Variants in COMMD1 observed in about 807,000 individuals in gnomAD.
COMMD1 encodes the protein copper metabolism domain containing 1.
COMMD1 carries 10 observed loss-of-function variants against 17.2 expected under a neutral mutation model. The ratio of observed to expected loss-of-function variants is 0.58; its 90% CI spans 0.36 to 0.99. COMMD1 has a LOEUF of 0.99. Among genes scored for constraint, COMMD1 ranks in the 50% least tolerant of loss-of-function variants. The pLI is 0.01. For missense variants in COMMD1, 270 were observed against 231.8 expected, an observed-to-expected ratio of 1.17 and a Z score of -1.07; for synonymous variants, 97 against 91.6, an observed-to-expected ratio of 1.06 and a Z score of -0.34.
Position 61,905,708 on chromosome 2 carries a change from A to C in COMMD1, c.30A>C (p.Lys10Asn). The C allele has an allele frequency of 1.3e-6, 2 of 1,593,722 alleles. No individual in the cohort carries two copies. Among genetic ancestry groups the C allele is most frequent in the South Asian group, 2.2e-5 (2 of 89,030 alleles). ...CGGCGGGCGAGCTTGAGGGTGGCAA[A>C]CCCCTGAGCGGGCTGCTGAATGCGC... MAAGELEGG[K>N]PLSGLLNALA... Residue 10 changes from lysine (K) to asparagine (N), a missense_variant, in exon 1 of 3, where the codon AAA becomes AAC. Transcript: ENST00000311832.
At chr2:61,955,812 A>G (rs1467684570) in intron 1 of COMMD1, among the ~76,000 whole-genome samples, 2 of 151,840 alleles carry the variant, frequency 1.3e-5, no homozygotes, top group Non-Finnish European at 2.9e-5. Context: ...CAGCCTCCCT[A>G]GTAGCTGGGA....
intron 2 of COMMD1, among the ~76,000 whole-genome samples, chr2:62,016,216 T>C (rs1321709642): frequency 1.4e-5 from 2 of 145,900 alleles, no homozygotes; most frequent in Non-Finnish European, 3.0e-5. Flanking sequence ...CTTTTTTTTT[T>C]TTTTTTTTTC....
At chr2:62,037,107 G>A (rs545249999) in intron 2 of COMMD1, among the ~76,000 whole-genome samples, 1 of 152,234 alleles carries the variant, frequency 6.6e-6, no homozygotes, top group African/African-American at 2.4e-5. Flanking sequence ...TTGGAAACTT[G>A]GAAATAATCC....
chr2:61,964,615 A>AT, intron 1 of COMMD1, among the ~76,000 whole-genome samples: 1 of 151,028 alleles, frequency 6.6e-6, no homozygotes, highest in East Asian at 2.0e-4. Flanking sequence ...TGGGCAGATC[A>AT]CGAGGTTAGG....
At chr2:62,052,309 G>T (rs1048045176) in intron 2 of COMMD1, among the ~76,000 whole-genome samples, 1 of 151,986 alleles carries the variant, frequency 6.6e-6, no homozygotes, top group African/African-American at 2.4e-5. Flanking sequence ...AAATTAGCCA[G>T]TCTTATAACC....
At chr2:62,029,853 G>A (rs1334863794) in intron 2 of COMMD1, among the ~76,000 whole-genome samples, 9 of 152,166 alleles carry the variant, frequency 5.9e-5, no homozygotes, top group Admixed American at 5.9e-4. Context: ...AAGCCCTTCG[G>A]CCCCAGTGGT....
At chr2:61,951,597 G>A (rs1671055306) in intron 1 of COMMD1, among the ~76,000 whole-genome samples, 1 of 152,086 alleles carries the variant, frequency 6.6e-6, no homozygotes, top group African/African-American at 2.4e-5. Flanking sequence ...ACTCTTACCT[G>A]GGACTTTCAT....
intron 2 of COMMD1, among the ~76,000 whole-genome samples, chr2:62,101,452 T>C (rs112582845): frequency 6.6e-6 from 1 of 151,970 alleles, no homozygotes; most frequent in South Asian, 2.1e-4. Flanking sequence ...CTACAAAAAA[T>C]TTAAAAAATT....
At chr2:62,134,715 C>A (rs1325078114) in intron 2 of COMMD1, among the ~76,000 whole-genome samples, 2 of 151,774 alleles carry the variant, frequency 1.3e-5, no homozygotes, top group Non-Finnish European at 2.9e-5. Context: ...GAGTTTGAGG[C>A]TACAGTGAGC....
At chr2:62,055,422 G>A (rs1670666278) in intron 2 of COMMD1, 4 of 455,998 alleles carry the variant, frequency 8.8e-6, no homozygotes, top group Non-Finnish European at 1.8e-5. Context: ...AATACCAAGA[G>A]TTCTACTTAA....
At chr2:62,026,013 C>T (rs1669745011) in intron 2 of COMMD1, among the ~76,000 whole-genome samples, 1 of 152,046 alleles carries the variant, frequency 6.6e-6, no homozygotes. Context: ...TGTTCTTCTA[C>T]CTACTTTGCA....
intron 2 of COMMD1, among the ~76,000 whole-genome samples, chr2:62,070,686 A>G (rs892114329): frequency 2.0e-5 from 3 of 152,236 alleles, no homozygotes; most frequent in Non-Finnish European, 2.9e-5. Flanking sequence ...CACGCAAGAA[A>G]GAATTCAGGA....
chr2:62,081,594 C>G (rs886711872), intron 2 of COMMD1, among the ~76,000 whole-genome samples: 1 of 152,012 alleles, frequency 6.6e-6, no homozygotes, highest in African/African-American at 2.4e-5. Context: ...TTGCTTTACT[C>G]TACATTTCCT....
At chr2:61,911,487 T>TTAGAGACAGGGACTCACTC (rs1349769014) in intron 1 of COMMD1, among the ~76,000 whole-genome samples, 6 of 152,104 alleles carry the variant, frequency 3.9e-5, no homozygotes, top group Admixed American at 3.9e-4. Flanking sequence ...ATTTATTTAT[T>TTAGAGACAGGGACTCACTC]TAGAGACAGG....
At chr2:62,055,858 G>A (rs376403118) in intron 2 of COMMD1, among the ~76,000 whole-genome samples, 1 of 152,210 alleles carries the variant, frequency 6.6e-6, no homozygotes, top group South Asian at 2.1e-4. Context: ...TTGATAGAGA[G>A]CATTAATGAG....
At chr2:62,044,862 G>C (rs944086984) in intron 2 of COMMD1, among the ~76,000 whole-genome samples, 2 of 149,228 alleles carry the variant, frequency 1.3e-5, no homozygotes, top group African/African-American at 4.9e-5. Flanking sequence ...AAAAAGACCT[G>C]TTTTCTTCCT....
rs139517810 is a variant in COMMD1, at chr2:61,956,782, C to T, written c.181-43919C>T. 1.4e-4 allele frequency among the ~76,000 whole-genome samples: 22 copies of T among 151,832 alleles called. No individual in the cohort carries two copies. The East Asian group carries it at 3.9e-3, about 27-fold the overall frequency. ...TGTTTTGTTTTTTGCGATGGGGTCT[C>T]GCTCTGTCGCCAGGCTGGTATGCAG... is the stretch of plus-strand genomic sequence containing the variant. On this transcript the variant is annotated intron_variant, in intron 1 of 2. Transcript: ENST00000311832.
chr2:61,924,092 T>C (rs1670262077), intron 1 of COMMD1, among the ~76,000 whole-genome samples: 1 of 152,188 alleles, frequency 6.6e-6, no homozygotes, highest in Non-Finnish European at 1.5e-5. Context: ...AGAGAATTTC[T>C]TTAATAGTGT....
chr2:61,911,824 C>A (rs1553366830), intron 1 of COMMD1, among the ~76,000 whole-genome samples: 2 of 152,164 alleles, frequency 1.3e-5, no homozygotes, highest in Non-Finnish European at 2.9e-5. Flanking sequence ...AAAATTCAGT[C>A]CTTCTGCCCT....
Sources: gnomAD v4.1 joint callset for allele counts (sites outside exome capture counted in the v4.1 genomes callset) on GRCh38, gnomAD v4.1.1 for gene constraint, MANE v1.5 for transcripts, NCBI Gene and HGNC (gene_info 2026-07-23, HGNC 2026-07-21) for gene names.